Variants in ST6GALNAC3 observed in about 807,000 individuals in gnomAD.
ST6GALNAC3 encodes alpha-N-acetylgalactosaminide alpha-2,6-sialyltransferase 3.
A neutral mutation model predicts 32.7 loss-of-function variants in ST6GALNAC3; 25 were observed. The observed-to-expected ratio is 0.76, with a 90% CI of 0.56 to 1.07. ST6GALNAC3 has a LOEUF of 1.07. ST6GALNAC3 is among the 50% of genes least tolerant of loss of function. ST6GALNAC3 has a pLI of 0.00. For missense variants in ST6GALNAC3, 355 were observed against 382.4 expected (o/e 0.93, Z 0.60); for synonymous variants, 129 against 133.1 (o/e 0.97, Z 0.21).
At chr1:76,521,152 C>T (rs867378709) in intron 3 of ST6GALNAC3, among the ~76,000 whole-genome samples, 1 of 152,054 alleles carries the variant, frequency 6.6e-6, no homozygotes, top group African/African-American at 2.4e-5. Flanking sequence ...ACCTCTTCCA[C>T]AATAAGGATA....
At chr1:76,148,591 A>G (rs949790967) in intron 1 of ST6GALNAC3, among the ~76,000 whole-genome samples, 1 of 152,128 alleles carries the variant, frequency 6.6e-6, no homozygotes, top group African/African-American at 2.4e-5. Flanking sequence ...GGAAATTGCA[A>G]TGCTTTTCTT....
chr1:76,271,381 A>G (rs530485508), intron 1 of ST6GALNAC3, among the ~76,000 whole-genome samples: 1 of 152,342 alleles, frequency 6.6e-6, no homozygotes, highest in Admixed American at 6.5e-5. Flanking sequence ...TAAGTTCATA[A>G]TTATTCACAA....
Position 76,313,800 on chromosome 1 carries a change from T to C in ST6GALNAC3, c.19-5T>C, listed in dbSNP as rs757060100. Reference sequence around the variant, plus strand: ...TCTTCTTTTTGTTTTTTTAATGTTTTGTAGAGAAAGTCTGTGATTGCTGTG... The same window carrying C: ...TCTTCTTTTTGTTTTTTTAATGTTTCGTAGAGAAAGTCTGTGATTGCTGTG... On this transcript the variant is annotated splice_region_variant and splice_polypyrimidine_tract_variant and intron_variant, in intron 1 of 4. Coordinates refer to ENST00000328299, the MANE Select transcript of ST6GALNAC3 (RefSeq NM_152996.4). 16 of 1,612,494 alleles carry C rather than the reference T, an allele frequency of 9.9e-6. No individual in the cohort carries two copies. In the East Asian group the frequency reaches 3.1e-4, roughly 31 times the overall value.
chr1:76,416,627 G>GTTTTTTTT (rs758529243), intron 3 of ST6GALNAC3, among the ~76,000 whole-genome samples: 15 of 113,466 alleles, frequency 1.3e-4, no homozygotes, highest in African/African-American at 2.7e-4. Flanking sequence ...TGTGGGTTTT[G>GTTTTTTTT]TTTTTTTTTT....
At chr1:76,393,962 A>G (rs982813878) in intron 2 of ST6GALNAC3, among the ~76,000 whole-genome samples, 2 of 152,176 alleles carry the variant, frequency 1.3e-5, no homozygotes, top group Non-Finnish European at 2.9e-5. Flanking sequence ...TAAAGATTCA[A>G]GAGGGGAGGG....
chr1:76,165,031 T>C (rs1465638314), intron 1 of ST6GALNAC3, among the ~76,000 whole-genome samples: 1 of 152,156 alleles, frequency 6.6e-6, no homozygotes, highest in East Asian at 1.9e-4. Context: ...GTTGTACAGA[T>C]TATTTCATCA....
intron 1 of ST6GALNAC3, among the ~76,000 whole-genome samples, chr1:76,251,824 G>A (rs1237807664): frequency 2.0e-5 from 3 of 151,710 alleles, no homozygotes; most frequent in Non-Finnish European, 4.4e-5. Flanking sequence ...TCTATAAACC[G>A]TTCTGCTCCT....
intron 3 of ST6GALNAC3, among the ~76,000 whole-genome samples, chr1:76,563,193 T>C (rs995525707): frequency 8.5e-5 from 13 of 152,146 alleles, no homozygotes; most frequent in African/African-American, 2.4e-4. Context: ...AATCAATCAG[T>C]TTTCAATCTT....
At chr1:76,268,046 T>C (rs1658633079) in intron 1 of ST6GALNAC3, among the ~76,000 whole-genome samples, 1 of 152,216 alleles carries the variant, frequency 6.6e-6, no homozygotes, top group Admixed American at 6.5e-5. Context: ...GATCTCCATT[T>C]ATGTAGGGAA....
chr1:76,106,414 A>G (rs2706192), intron 1 of ST6GALNAC3, among the ~76,000 whole-genome samples: 3,176 of 152,276 alleles, frequency 0.021, 119 homozygotes, highest in African/African-American at 0.073. Flanking sequence ...TAACTTTGGA[A>G]ACTCTTTGCC....
chr1:76,563,118 C>G (rs1043472497), intron 3 of ST6GALNAC3, among the ~76,000 whole-genome samples: 2 of 152,146 alleles, frequency 1.3e-5, no homozygotes, highest in African/African-American at 4.8e-5. Flanking sequence ...TAAGATTCCC[C>G]TTAATATTTA....
At chr1:76,226,653 G>T (rs900672875) in intron 1 of ST6GALNAC3, among the ~76,000 whole-genome samples, 3 of 152,126 alleles carry the variant, frequency 2.0e-5, no homozygotes, top group African/African-American at 7.2e-5. Flanking sequence ...GGCAAAGGGG[G>T]AACAGGCATC....
At chr1:76,493,780 TA>T (rs1283563375) in intron 3 of ST6GALNAC3, among the ~76,000 whole-genome samples, 3 of 152,222 alleles carry the variant, frequency 2.0e-5, no homozygotes, top group Non-Finnish European at 4.4e-5. Context: ...ACATGCATAT[TA>T]AAAAAAGAAG....
At chr1:76,199,921 G>A (rs1654425297) in intron 1 of ST6GALNAC3, among the ~76,000 whole-genome samples, 3 of 152,160 alleles carry the variant, frequency 2.0e-5, no homozygotes, top group Non-Finnish European at 1.5e-5. Context: ...AAGGAGTTGG[G>A]AAGTTGAAAT....
chr1:76,456,734 A>T (rs1305674320), intron 3 of ST6GALNAC3, among the ~76,000 whole-genome samples: 2 of 152,182 alleles, frequency 1.3e-5, no homozygotes, highest in African/African-American at 4.8e-5. Flanking sequence ...TGACAAACCC[A>T]CAGCCAATAT....
In ST6GALNAC3 at chr1:76,509,994, A is replaced by G. The variant is rs1386798952; in HGVS notation, c.623+97577A>G. Among the ~76,000 whole-genome samples, 1 of 152,058 alleles carries G rather than the reference A, an allele frequency of 6.6e-6. No individual in the cohort carries two copies. Among genetic ancestry groups the G allele is most frequent in the East Asian group, 1.9e-4 (1 of 5,176 alleles). On this transcript the variant is annotated intron_variant, in intron 3 of 4. Transcript: ENST00000328299. This position sits in a 1 kb window ranked among gnomAD's most constrained non-coding sequence, Gnocchi z 5.5. ...AGCTATTATTCTATCTAACACAGGG[A>G]AAAAAAGGATTTTCTCAGTCCTTTA...
chr1:76,344,251 A>G (rs1434816280), intron 2 of ST6GALNAC3, among the ~76,000 whole-genome samples: 1 of 152,148 alleles, frequency 6.6e-6, no homozygotes, highest in Non-Finnish European at 1.5e-5. Context: ...AACAGAAACA[A>G]TTTTTACTCT....
At chr1:76,120,358 G>A (rs1408056040) in intron 1 of ST6GALNAC3, among the ~76,000 whole-genome samples, 2 of 152,174 alleles carry the variant, frequency 1.3e-5, no homozygotes, top group Non-Finnish European at 2.9e-5. Context: ...TTTTGTGGCA[G>A]TTGATGGGAT....
chr1:76,549,703 T>C (rs1470203324), intron 3 of ST6GALNAC3, among the ~76,000 whole-genome samples: 1 of 152,144 alleles, frequency 6.6e-6, no homozygotes, highest in East Asian at 1.9e-4. Flanking sequence ...GTCTAAGATA[T>C]ATACCTAGAA....
Sources: gnomAD v4.1 joint callset for allele counts (sites outside exome capture counted in the v4.1 genomes callset) on GRCh38, gnomAD v4.1.1 for gene constraint, Gnocchi (gnomAD v3.1) non-coding constraint, MANE v1.5 for transcripts, NCBI Gene and HGNC (gene_info 2026-07-23, HGNC 2026-07-21) for gene names.